Variants in CDH13 observed in about 807,000 individuals in gnomAD.
The protein encoded by CDH13 is cadherin 13.
Under a neutral mutation model 63.8 loss-of-function variants are expected in CDH13, and 24 were observed. The ratio of observed to expected loss-of-function variants is 0.38; its 90% CI spans 0.27 to 0.53. The LOEUF is 0.53. Ranked by LOEUF, CDH13 falls within the 20% of genes least tolerant of loss-of-function variation. CDH13 has a pLI of 0.85. For missense variants in CDH13, 1,049 were observed against 903.1 expected (o/e 1.16, Z -2.07); for synonymous variants, 503 against 355.3 (o/e 1.42, Z -4.67).
intron 1 of CDH13, among the ~76,000 whole-genome samples, chr16:82,799,736 A>T (rs1256941953): frequency 6.6e-6 from 1 of 152,170 alleles, no homozygotes; most frequent in Non-Finnish European, 1.5e-5. Context: ...AAAAAAATAT[A>T]TTTGTGCTTT....
chr16:83,347,843 C>T (rs560670972), intron 6 of CDH13, among the ~76,000 whole-genome samples: 1 of 152,120 alleles, frequency 6.6e-6, no homozygotes, highest in Non-Finnish European at 1.5e-5. Context: ...AAGACTAGTC[C>T]GGGTCTGTCT....
chr16:83,103,999 A>G (rs1156675576), intron 3 of CDH13, among the ~76,000 whole-genome samples: 2 of 152,224 alleles, frequency 1.3e-5, no homozygotes, highest in Non-Finnish European at 2.9e-5. Context: ...TTGGTCCCAT[A>G]ATAGTTTTTC....
At chr16:83,232,227 T>TTTAA (rs3049884) in intron 5 of CDH13, among the ~76,000 whole-genome samples, 2,058 of 67,814 alleles carry the variant, frequency 0.03, 65 homozygotes, top group South Asian at 0.047. Flanking sequence ...TTTTTTTTTT[T>TTTAA]AAAAAAAAAA....
intron 1 of CDH13, among the ~76,000 whole-genome samples, chr16:82,643,930 C>CT (rs5818393): frequency 6.6e-6 from 1 of 151,766 alleles, no homozygotes; most frequent in African/African-American, 2.4e-5. Flanking sequence ...AAAAAAAAAA[C>CT]TTTAAGACAA....
At chr16:82,635,706 T>C (rs1908569400) in intron 1 of CDH13, among the ~76,000 whole-genome samples, 1 of 152,086 alleles carries the variant, frequency 6.6e-6, no homozygotes, top group African/African-American at 2.4e-5. Flanking sequence ...GGGCAGGTGA[T>C]TGAAGTAGAC....
intron 1 of CDH13, among the ~76,000 whole-genome samples, chr16:82,640,121 C>T (rs1008435388): frequency 2.6e-5 from 4 of 152,200 alleles, no homozygotes; most frequent in Middle Eastern, 3.4e-3. Context: ...GGTAGTTTTG[C>T]GTAGTGATAG....
chr16:83,752,639 T>G (rs1913179476), intron 11 of CDH13, among the ~76,000 whole-genome samples: 2 of 152,166 alleles, frequency 1.3e-5, no homozygotes, highest in Non-Finnish European at 2.9e-5. Flanking sequence ...ACTCATTGAG[T>G]CTCATCTATG....
At chr16:83,708,282 C>G (rs1283595078) in intron 10 of CDH13, among the ~76,000 whole-genome samples, 1 of 152,238 alleles carries the variant, frequency 6.6e-6, no homozygotes, top group Non-Finnish European at 1.5e-5. Flanking sequence ...GACAGTCAAC[C>G]AGACGTGTGC....
chr16:83,400,290 C>T (rs759348752), intron 6 of CDH13, among the ~76,000 whole-genome samples: 16 of 152,158 alleles, frequency 1.1e-4, no homozygotes, highest in Non-Finnish European at 1.9e-4. Context: ...TCACAGTGAA[C>T]ACAGGTGTTA....
chr16:82,898,104 G>A (rs1175421608), intron 2 of CDH13, among the ~76,000 whole-genome samples: 1 of 152,192 alleles, frequency 6.6e-6, no homozygotes, highest in East Asian at 1.9e-4. Context: ...AAAATCTCAT[G>A]AATAGTTTTT....
intron 10 of CDH13, chr16:83,735,315 C>G (rs968132001): frequency 6.6e-6 from 1 of 152,232 alleles, no homozygotes; most frequent in Non-Finnish European, 1.5e-5. Flanking sequence ...TCAAATCACT[C>G]TTTCGAAGCA....
chr16:83,577,108 G>C (rs553522667), intron 7 of CDH13, among the ~76,000 whole-genome samples: 1 of 152,302 alleles, frequency 6.6e-6, no homozygotes, highest in South Asian at 2.1e-4. Flanking sequence ...CTGGGGGTCA[G>C]GAATCAGTCT....
At chr16:83,699,019 C>G (rs1905809994) in intron 10 of CDH13, among the ~76,000 whole-genome samples, 2 of 152,240 alleles carry the variant, frequency 1.3e-5, no homozygotes, top group Admixed American at 6.5e-5. Flanking sequence ...GTGTGTTCTA[C>G]TCTGTGCTGC....
intron 8 of CDH13, among the ~76,000 whole-genome samples, chr16:83,651,076 G>A (rs1460874662): frequency 6.6e-6 from 1 of 151,986 alleles, no homozygotes; most frequent in Non-Finnish European, 1.5e-5. Flanking sequence ...ATTCCAGCCT[G>A]GGCAACAAAG....
chr16:83,032,717 A>G (rs1022180683), intron 3 of CDH13, among the ~76,000 whole-genome samples: 2 of 152,088 alleles, frequency 1.3e-5, no homozygotes, highest in African/African-American at 2.4e-5. Flanking sequence ...CATGGTGTCC[A>G]TTGGGTTGTG....
chr16:82,751,029 G>T (rs2034392115), intron 1 of CDH13, among the ~76,000 whole-genome samples: 1 of 152,066 alleles, frequency 6.6e-6, no homozygotes, highest in Non-Finnish European at 1.5e-5. Context: ...AACTTAACTG[G>T]GCTTCTACCA....
intron 1 of CDH13, among the ~76,000 whole-genome samples, chr16:82,686,124 C>T (rs370150765): frequency 7.2e-5 from 11 of 152,222 alleles, no homozygotes; most frequent in African/African-American, 2.7e-4. Flanking sequence ...AATGCATCCT[C>T]ATCTTAATTA....
At chr16:82,732,084 T>C (rs1000483157) in intron 1 of CDH13, among the ~76,000 whole-genome samples, 1 of 152,172 alleles carries the variant, frequency 6.6e-6, no homozygotes, top group Non-Finnish European at 1.5e-5. Flanking sequence ...TTTATGCACA[T>C]TTTTCCTTGT....
At chr16:83,107,125 C>A (rs990020111) in intron 3 of CDH13, among the ~76,000 whole-genome samples, 2 of 152,168 alleles carry the variant, frequency 1.3e-5, no homozygotes, top group Non-Finnish European at 2.9e-5. Context: ...GGTGATTTCA[C>A]TGAGAAGAGT....
Sources: allele counts gnomAD v4.1 joint callset (sites outside exome capture counted in the v4.1 genomes callset), GRCh38; gene constraint gnomAD v4.1.1; transcripts MANE v1.5; gene names NCBI Gene and HGNC (gene_info 2026-07-23, HGNC 2026-07-21).